The following RBMS3 variants were observed in gnomAD, a reference collection of about 807,000 sequenced individuals.
RBMS3 encodes the protein RNA-binding motif, single-stranded-interacting protein 3.
A neutral mutation model predicts 66.8 loss-of-function variants in RBMS3; 27 were observed. The ratio of observed to expected loss-of-function variants is 0.40; its 90% CI spans 0.30 to 0.56. The LOEUF is 0.56. Among genes scored for constraint, RBMS3 ranks in the 20% least tolerant of loss-of-function variants. The pLI is 0.40. For missense variants in RBMS3, 513 were observed against 549.5 expected, an observed-to-expected ratio of 0.93 and a Z score of 0.66; for synonymous variants, 188 against 183.0, an observed-to-expected ratio of 1.03 and a Z score of -0.22.
chr3:29,435,848 G>A (rs2041379119), intron 2 of RBMS3, among the ~76,000 whole-genome samples: 1 of 151,746 alleles, frequency 6.6e-6, no homozygotes, highest in Middle Eastern at 3.4e-3. Context: ...GGTGGCGGGC[G>A]CCTGTAGTCC....
At chr3:29,611,584 G>A (rs961001538) in intron 4 of RBMS3, among the ~76,000 whole-genome samples, 4 of 151,860 alleles carry the variant, frequency 2.6e-5, no homozygotes, top group Admixed American at 1.3e-4. Flanking sequence ...CAGGTATTGA[G>A]TGAGTCAAAG....
At chr3:29,731,630 G>C (rs1429886048) in intron 4 of RBMS3, among the ~76,000 whole-genome samples, 1 of 152,116 alleles carries the variant, frequency 6.6e-6, no homozygotes, top group Non-Finnish European at 1.5e-5. Flanking sequence ...TTGAGGTAAG[G>C]CATCTTACTT....
At chr3:29,973,153 G>A (rs1174139649) in intron 12 of RBMS3, among the ~76,000 whole-genome samples, 1 of 151,942 alleles carries the variant, frequency 6.6e-6, no homozygotes, top group African/African-American at 2.4e-5. Flanking sequence ...ATTTAAGGAG[G>A]TCACCACTTT....
intron 4 of RBMS3, among the ~76,000 whole-genome samples, chr3:29,618,491 G>A (rs1477635089): frequency 6.6e-6 from 1 of 151,482 alleles, no homozygotes; most frequent in Non-Finnish European, 1.5e-5. Flanking sequence ...TGGCAACAGA[G>A]CAAAAACTCT....
At chr3:29,591,446 A>G (rs1349804823) in intron 4 of RBMS3, among the ~76,000 whole-genome samples, 1 of 152,210 alleles carries the variant, frequency 6.6e-6, no homozygotes, top group African/African-American at 2.4e-5. Flanking sequence ...AAGCAAGCCT[A>G]AATTATTGAT....
chr3:29,404,196 C>G (rs1309391488), intron 1 of RBMS3, among the ~76,000 whole-genome samples: 1 of 152,090 alleles, frequency 6.6e-6, no homozygotes, highest in Admixed American at 6.6e-5. Flanking sequence ...TCCTTATTCT[C>G]AGTTTCTATA....
chr3:29,566,760 A>G (rs1376902158), intron 3 of RBMS3, among the ~76,000 whole-genome samples: 1 of 151,876 alleles, frequency 6.6e-6, no homozygotes, highest in Non-Finnish European at 1.5e-5. Context: ...GTGTGTGTGG[A>G]GGTGGCTGCA....
At chr3:29,364,865 T>C (rs1420920972) in intron 1 of RBMS3, among the ~76,000 whole-genome samples, 1 of 152,162 alleles carries the variant, frequency 6.6e-6, no homozygotes, top group East Asian at 1.9e-4. Flanking sequence ...GTCGACCAAT[T>C]GCTTCCTCCA....
At chr3:29,484,963 A>T (rs2043267992) in intron 2 of RBMS3, among the ~76,000 whole-genome samples, 1 of 152,176 alleles carries the variant, frequency 6.6e-6, no homozygotes, top group African/African-American at 2.4e-5. Context: ...CTCTGCCTGT[A>T]TTTTTTGAAT....
chr3:29,625,169 C>A (rs927787685), intron 4 of RBMS3, among the ~76,000 whole-genome samples: 5 of 152,136 alleles, frequency 3.3e-5, no homozygotes, highest in Non-Finnish European at 7.3e-5. Context: ...ATTTAAAACT[C>A]TTTCTTTATA....
chr3:29,843,618 G>A (rs1368551911), intron 6 of RBMS3, among the ~76,000 whole-genome samples: 1 of 152,148 alleles, frequency 6.6e-6, no homozygotes, highest in African/African-American at 2.4e-5. Context: ...AAAATGAACT[G>A]TATCTGCTAT....
At chr3:29,671,677 G>T (rs944388289) in intron 4 of RBMS3, among the ~76,000 whole-genome samples, 12 of 152,280 alleles carry the variant, frequency 7.9e-5, no homozygotes, top group Admixed American at 2.0e-4. Context: ...GGAAGAAAGG[G>T]TATCAGTGAT....
chr3:29,704,096 T>C (rs1190426080), intron 4 of RBMS3, among the ~76,000 whole-genome samples: 1 of 152,034 alleles, frequency 6.6e-6, no homozygotes, highest in African/African-American at 2.4e-5. Context: ...AGCTCAGGGC[T>C]CCCATTGATT....
rs947742649 is a variant in RBMS3, at chr3:29,991,319, G to C, written c.1307+110G>C. The C allele has an allele frequency of 4.6e-6, 7 of 1,521,006 alleles. No individual in the cohort carries two copies. In the Admixed American group the frequency reaches 7.7e-5, roughly 17 times the overall value. 94.2% of individuals were successfully genotyped at this position (1,521,006 alleles called of 1,614,324 possible). A position where few individuals can be genotyped will look rare whatever the true frequency, so the allele number is the denominator to read the frequency against. On this transcript the variant is annotated intron_variant, in intron 14 of 14. Coordinates refer to ENST00000383767, the MANE Select transcript of RBMS3 (RefSeq NM_001003793.3). ...TGAAATATAAACCATCCCAAACTTA[G>C]CAACAGGCATTTATTTAGCTCATGA...
intron 6 of RBMS3, among the ~76,000 whole-genome samples, chr3:29,800,378 A>G (rs1189332047): frequency 6.6e-6 from 1 of 152,206 alleles, no homozygotes. Flanking sequence ...TTCCCTTTAA[A>G]TAAACTTGCT....
intron 10 of RBMS3, among the ~76,000 whole-genome samples, chr3:29,916,333 CTTCT>C: frequency 6.6e-6 from 1 of 152,032 alleles, no homozygotes; most frequent in African/African-American, 2.4e-5. Flanking sequence ...TGTATCTTCT[CTTCT>C]TTAATTTGTT....
intron 2 of RBMS3, among the ~76,000 whole-genome samples, chr3:29,484,035 C>G (rs1310232616): frequency 6.6e-6 from 1 of 152,194 alleles, no homozygotes; most frequent in African/African-American, 2.4e-5. Flanking sequence ...GTTGTCTGCT[C>G]TTTGTAACAC....
chr3:29,837,702 ATATATG>A (rs1369336761), intron 6 of RBMS3, among the ~76,000 whole-genome samples: 42 of 115,988 alleles, frequency 3.6e-4, no homozygotes, highest in African/African-American at 1.3e-3. Context: ...ATATATATAT[ATATATG>A]CTTATTAGCT....
rs543664753 is a variant in RBMS3, at chr3:29,341,178, G to A, written c.75+59422G>A. ...ATATATACATAAAATGCTGTTATAC[G>A]TATGCAGATATAAATAAATGAAATC... On this transcript the variant is annotated intron_variant, in intron 1 of 14. Coordinates refer to ENST00000383767, the MANE Select transcript of RBMS3 (RefSeq NM_001003793.3). 1.5e-3 allele frequency among the ~76,000 whole-genome samples: 225 copies of A among 152,078 alleles called. 1 individual carries two copies. Among genetic ancestry groups the A allele is most frequent in the African/African-American group, 5.0e-3 (206 of 41,530 alleles).
Sources: gnomAD v4.1 joint callset for allele counts (sites outside exome capture counted in the v4.1 genomes callset) on GRCh38, gnomAD v4.1.1 for gene constraint, MANE v1.5 for transcripts, NCBI Gene and HGNC (gene_info 2026-07-23, HGNC 2026-07-21) for gene names.